The following SMYD3 variants were observed in gnomAD, a reference collection of about 807,000 sequenced individuals.
SMYD3 encodes the protein histone-lysine N-methyltransferase SMYD3.
SMYD3 carries 36 observed loss-of-function variants against 57.7 expected under a neutral mutation model. The observed-to-expected ratio is 0.62, with a 90% CI of 0.48 to 0.82. The LOEUF is 0.82. Ranked by LOEUF, SMYD3 falls within the 40% of genes least tolerant of loss-of-function variation. SMYD3 has a pLI of 0.00. For missense variants in SMYD3, 515 were observed against 538.8 expected (o/e 0.96, Z 0.44); for synonymous variants, 211 against 195.0 (o/e 1.08, Z -0.68).
intron 10 of SMYD3, among the ~76,000 whole-genome samples, chr1:245,775,115 C>T (rs907996131): frequency 1.4e-4 from 21 of 152,212 alleles, no homozygotes; most frequent in Non-Finnish European, 2.1e-4. Flanking sequence ...GCCTCTGCCC[C>T]GCCGCCCCGT....
intron 5 of SMYD3, among the ~76,000 whole-genome samples, chr1:246,211,344 A>G (rs2063083542): frequency 6.6e-6 from 1 of 152,182 alleles, no homozygotes; most frequent in East Asian, 1.9e-4. Flanking sequence ...ATGCAGATCC[A>G]CAAGGTACTG....
In SMYD3 at chr1:246,185,865, A is replaced by C. The variant is rs576562515; in HGVS notation, c.531+141336T>G. On this transcript the variant is annotated intron_variant, in intron 5 of 11. Coordinates refer to ENST00000490107, the MANE Select transcript of SMYD3 (RefSeq NM_001167740.2). ...CAAAAAGAACTTACACAATTTTTAC[A>C]TACATAACATACTTTAGTTCCTTGA... 3.3e-5 allele frequency among the ~76,000 whole-genome samples: 5 copies of C among 152,326 alleles called. No homozygotes were observed. In the East Asian group the frequency reaches 9.6e-4, roughly 29 times the overall value.
At chr1:246,480,608 T>C (rs998196083) in intron 1 of SMYD3, among the ~76,000 whole-genome samples, 1 of 152,112 alleles carries the variant, frequency 6.6e-6, no homozygotes, top group Non-Finnish European at 1.5e-5. Context: ...GACACAACGG[T>C]GGCTCTTACG....
Position 246,241,659 on chromosome 1 carries a change from G to C in SMYD3, c.531+85542C>G, listed in dbSNP as rs1572265659. ...TTTTCTATTGATTGGAATAGTTTCAGAAGGAATGGTAACAGCTCCTCTTTG... is the reference window on the plus strand; with the variant it reads ...TTTTCTATTGATTGGAATAGTTTCACAAGGAATGGTAACAGCTCCTCTTTG... On this transcript the variant is annotated intron_variant, in intron 5 of 11. Coordinates refer to ENST00000490107, the MANE Select transcript of SMYD3 (RefSeq NM_001167740.2). Among the ~76,000 whole-genome samples the C allele has an allele frequency of 9.9e-5, 15 of 152,260 alleles. No homozygotes were observed. In the South Asian group the frequency reaches 3.1e-3, roughly 32 times the overall value.
chr1:246,414,881 T>C (rs2067035590), intron 1 of SMYD3, among the ~76,000 whole-genome samples: 1 of 152,020 alleles, frequency 6.6e-6, no homozygotes. Context: ...CAGGCCCAGC[T>C]AATTTTTGTA....
intron 10 of SMYD3, among the ~76,000 whole-genome samples, chr1:245,826,121 A>G (rs1429230949): frequency 6.6e-6 from 1 of 151,258 alleles, no homozygotes; most frequent in Admixed American, 6.6e-5. Flanking sequence ...ACTATTAAGT[A>G]TATTCACACT....
At chr1:246,472,726 A>C (rs2067977276) in intron 1 of SMYD3, among the ~76,000 whole-genome samples, 1 of 152,188 alleles carries the variant, frequency 6.6e-6, no homozygotes, top group Non-Finnish European at 1.5e-5. Flanking sequence ...CCTGGGTGAC[A>C]GAGCAAGATC....
At chr1:246,322,069 T>A (rs1295912093) in intron 5 of SMYD3, among the ~76,000 whole-genome samples, 1 of 152,116 alleles carries the variant, frequency 6.6e-6, no homozygotes. Flanking sequence ...TAAATCCATT[T>A]CAAAATCTAA....
chr1:246,110,956 T>A (rs924361123), intron 5 of SMYD3, among the ~76,000 whole-genome samples: 11 of 152,192 alleles, frequency 7.2e-5, no homozygotes, highest in Admixed American at 2.6e-4. Context: ...AGGAGCGAAC[T>A]CTGCATTAGG....
At chr1:246,142,613 G>A (rs970073274) in intron 5 of SMYD3, among the ~76,000 whole-genome samples, 2 of 152,078 alleles carry the variant, frequency 1.3e-5, no homozygotes, top group African/African-American at 2.4e-5. Flanking sequence ...TTCATGTCCC[G>A]GGGGATACGG....
chr1:245,804,075 G>A (rs1029244908), intron 10 of SMYD3, among the ~76,000 whole-genome samples: 1 of 151,768 alleles, frequency 6.6e-6, no homozygotes, highest in Non-Finnish European at 1.5e-5. Flanking sequence ...ACCACACTCG[G>A]GTAATTTTTG....
At chr1:246,033,538 C>G (rs369294513) in intron 5 of SMYD3, among the ~76,000 whole-genome samples, 41 of 152,312 alleles carry the variant, frequency 2.7e-4, no homozygotes, top group African/African-American at 9.6e-4. Flanking sequence ...GTAATCCCAG[C>G]ACTTTGGGAG....
At chr1:246,470,607 CACACACTATATATAT>C (rs1288439570) in intron 1 of SMYD3, among the ~76,000 whole-genome samples, 2 of 149,422 alleles carry the variant, frequency 1.3e-5, no homozygotes, top group Admixed American at 6.7e-5. Context: ...TGTATATATA[CACACACTATATATAT>C]ACACACTATA....
chr1:246,364,381 GCT>G (rs1352067261), intron 1 of SMYD3, among the ~76,000 whole-genome samples: 1 of 152,158 alleles, frequency 6.6e-6, no homozygotes, highest in Non-Finnish European at 1.5e-5. Flanking sequence ...AAACAGAACA[GCT>G]CTTTCTAAGC....
chr1:246,225,043 T>TA (rs1224599324), intron 5 of SMYD3, among the ~76,000 whole-genome samples: 1 of 138,014 alleles, frequency 7.2e-6, no homozygotes, highest in Non-Finnish European at 1.5e-5. Context: ...AGGCTGGAGA[T>TA]ACAATTTTTT....
chr1:246,196,875 T>C (rs1287954912), intron 5 of SMYD3, among the ~76,000 whole-genome samples: 1 of 152,116 alleles, frequency 6.6e-6, no homozygotes, highest in Admixed American at 6.5e-5. Context: ...TCTAAAACTA[T>C]TCTCCAATAA....
At chr1:245,896,613 C>T (rs1055319804) in intron 8 of SMYD3, among the ~76,000 whole-genome samples, 2 of 152,084 alleles carry the variant, frequency 1.3e-5, no homozygotes, top group African/African-American at 4.8e-5. Context: ...GTGAGGCTAC[C>T]TTGCTTGACA....
chr1:246,208,957 A>G (rs2063043137), intron 5 of SMYD3, among the ~76,000 whole-genome samples: 1 of 152,194 alleles, frequency 6.6e-6, no homozygotes, highest in Admixed American at 6.5e-5. Context: ...GATGATTTAG[A>G]TTCAGAAAAT....
chr1:245,866,400 T>C (rs2051846958), intron 8 of SMYD3, among the ~76,000 whole-genome samples: 2 of 151,768 alleles, frequency 1.3e-5, no homozygotes, highest in African/African-American at 4.8e-5. Flanking sequence ...CCTAACTTTC[T>C]GTACATGGAG....
Sources: allele counts gnomAD v4.1 joint callset (sites outside exome capture counted in the v4.1 genomes callset), GRCh38; gene constraint gnomAD v4.1.1; transcripts MANE v1.5; gene names NCBI Gene and HGNC (gene_info 2026-07-23, HGNC 2026-07-21).